Variants in CNTNAP5 observed in about 807,000 individuals in gnomAD.
CNTNAP5 encodes the protein contactin-associated protein-like 5.
Under a neutral mutation model 150.2 loss-of-function variants are expected in CNTNAP5, and 72 were observed. The observed-to-expected ratio is 0.48, with a 90% CI of 0.40 to 0.58. CNTNAP5 has a LOEUF of 0.58. CNTNAP5 is among the 20% of genes least tolerant of loss of function. The pLI, the probability that CNTNAP5 is intolerant of heterozygous loss-of-function variation, is 0.00. For synonymous variants in CNTNAP5, 672 were observed against 619.8 expected (o/e 1.08, Z -1.25); for missense variants, 1,636 against 1,626.2 (o/e 1.01, Z -0.10).
chr2:124,636,043 A>G (rs1176556777), intron 12 of CNTNAP5, among the ~76,000 whole-genome samples: 1 of 152,206 alleles, frequency 6.6e-6, no homozygotes, highest in East Asian at 1.9e-4. Flanking sequence ...CCCTCTTTAG[A>G]GTATGCTGTC....
At chr2:124,083,134 G>A (rs1388479498) in intron 1 of CNTNAP5, among the ~76,000 whole-genome samples, 3 of 152,138 alleles carry the variant, frequency 2.0e-5, no homozygotes, top group Admixed American at 2.0e-4. Context: ...CAGATCATGA[G>A]GCCAAGAGTT....
At chr2:124,389,199 T>G (rs1691044474) in intron 3 of CNTNAP5, among the ~76,000 whole-genome samples, 1 of 152,104 alleles carries the variant, frequency 6.6e-6, no homozygotes, top group African/African-American at 2.4e-5. Flanking sequence ...AAATAGAGAG[T>G]TTAAAAAGCT....
intron 1 of CNTNAP5, among the ~76,000 whole-genome samples, chr2:124,121,149 C>G (rs1306632512): frequency 6.6e-6 from 1 of 151,932 alleles, no homozygotes; most frequent in Non-Finnish European, 1.5e-5. Flanking sequence ...CACACACACA[C>G]ACACACACAC....
At chr2:124,822,099 C>T (rs1034422957) in intron 19 of CNTNAP5, among the ~76,000 whole-genome samples, 1 of 152,140 alleles carries the variant, frequency 6.6e-6, no homozygotes, top group African/African-American at 2.4e-5. Context: ...TTACAACTGA[C>T]TGTCTGCTTG....
At chr2:124,632,297 T>A (rs889012332) in intron 12 of CNTNAP5, among the ~76,000 whole-genome samples, 4 of 152,078 alleles carry the variant, frequency 2.6e-5, no homozygotes, top group Non-Finnish European at 5.9e-5. Flanking sequence ...GACATTGGAA[T>A]CAACCCAAAT....
intron 19 of CNTNAP5, among the ~76,000 whole-genome samples, chr2:124,852,035 A>G (rs949811324): frequency 2.0e-5 from 3 of 152,190 alleles, no homozygotes; most frequent in African/African-American, 7.2e-5. Context: ...AGGAGTTAAG[A>G]GCTCTGAGTA....
At chr2:124,653,911 A>ACCCCCCCC (rs70996088) in intron 13 of CNTNAP5, among the ~76,000 whole-genome samples, 3 of 57,482 alleles carry the variant, frequency 5.2e-5, no homozygotes, top group African/African-American at 6.6e-5. Context: ...ACTGCCCCCA[A>ACCCCCCCC]CCCCCCCCCC....
At chr2:124,300,994 A>G (rs1418995010) in intron 3 of CNTNAP5, among the ~76,000 whole-genome samples, 1 of 152,194 alleles carries the variant, frequency 6.6e-6, no homozygotes, top group Non-Finnish European at 1.5e-5. Flanking sequence ...CCACAGTGAA[A>G]AGTTTTAAAA....
At chr2:124,705,349 G>A (rs978459294) in intron 13 of CNTNAP5, among the ~76,000 whole-genome samples, 2 of 152,122 alleles carry the variant, frequency 1.3e-5, no homozygotes, top group South Asian at 4.1e-4. Context: ...CCAACCTGAT[G>A]AGACCTCGTC....
intron 3 of CNTNAP5, among the ~76,000 whole-genome samples, chr2:124,411,245 C>A (rs1241951143): frequency 1.3e-5 from 2 of 152,142 alleles, no homozygotes; most frequent in Non-Finnish European, 2.9e-5. Flanking sequence ...AATAGTTTAC[C>A]AACCAAAAAG....
At chr2:124,667,024 G>A (rs916583925) in intron 13 of CNTNAP5, among the ~76,000 whole-genome samples, 6 of 31,332 alleles carry the variant, frequency 1.9e-4, no homozygotes, top group Admixed American at 9.4e-4. Flanking sequence ...GAAGAACGAT[G>A]GGGGAAACAT....
At chr2:124,035,501 T>C (rs539115990) in intron 1 of CNTNAP5, among the ~76,000 whole-genome samples, 1 of 152,204 alleles carries the variant, frequency 6.6e-6, no homozygotes, top group Non-Finnish European at 1.5e-5. Context: ...TTATGTTTTA[T>C]GGCATAAGTT....
Position 124,914,644 on chromosome 2 carries a change from T to A in CNTNAP5, c.*356T>A, listed in dbSNP as rs531939482. 7.5e-5 allele frequency: 13 copies of A among 174,044 alleles called. No individual in the cohort carries two copies. The highest frequency in any genetic ancestry group is 9.8e-5 in the Non-Finnish European group (8 of 81,916). 10.8% of individuals were successfully genotyped at this position (174,044 alleles called of 1,614,324 possible). On this transcript the variant is annotated 3_prime_UTR_variant, in exon 24 of 24. Coordinates refer to ENST00000682447, the MANE Select transcript of CNTNAP5 (RefSeq NM_001367498.1). ...TTTCCAACCACTTGGTGGTTCAGGC[T>A]TGCTTTGAACCTGAGCTCTTAGGCA...
intron 3 of CNTNAP5, among the ~76,000 whole-genome samples, chr2:124,362,031 G>A (rs796559275): frequency 1.3e-5 from 2 of 152,344 alleles, no homozygotes; most frequent in African/African-American, 4.8e-5. Context: ...TTTTAAGCCG[G>A]TCCGAAAAGC....
At chr2:124,259,049 AC>A (rs1448351737) in intron 3 of CNTNAP5, among the ~76,000 whole-genome samples, 6 of 100,386 alleles carry the variant, frequency 6.0e-5, no homozygotes, top group Non-Finnish European at 5.7e-5. Context: ...GATGTTCCCC[AC>A]CCTGTGTCCA....
At chr2:124,745,117 A>T (rs1680578448) in intron 13 of CNTNAP5, among the ~76,000 whole-genome samples, 1 of 151,120 alleles carries the variant, frequency 6.6e-6, no homozygotes, top group South Asian at 2.1e-4. Flanking sequence ...TGCTAATGGA[A>T]CTTCTAGGGA....
At position 124,459,805 on chromosome 2, in the gene CNTNAP5, A is replaced by C. The variant is rs540743037; in HGVS notation, c.918+12868A>C. Among the ~76,000 whole-genome samples the C allele has an allele frequency of 9.4e-4, 142 of 151,650 alleles. 1 individual carries two copies. The highest frequency in any genetic ancestry group is 3.4e-3 in the African/African-American group (139 of 41,330). ...AGGAATTGTGTTCTTAGCAATGGGA[A>C]TAATACAGCCCATGTTGTGGTCATC... On this transcript the variant is annotated intron_variant, in intron 6 of 23. Coordinates refer to ENST00000682447, the MANE Select transcript of CNTNAP5 (RefSeq NM_001367498.1).
chr2:124,496,329 T>C (rs1694144259), intron 7 of CNTNAP5, among the ~76,000 whole-genome samples: 1 of 152,136 alleles, frequency 6.6e-6, no homozygotes, highest in Admixed American at 6.6e-5. Context: ...ACAAATCAAA[T>C]TAGAAATGGT....
rs1041062751 is a variant in CNTNAP5, at chr2:124,122,548, G to A, written c.82+96816G>A. ...CCTTTTATGAGGTTCACTAAAATGAGTTTCATTCAACTTTGGAATTAGCAC... is the reference window on the plus strand; with the variant it reads ...CCTTTTATGAGGTTCACTAAAATGAATTTCATTCAACTTTGGAATTAGCAC... On this transcript the variant is annotated intron_variant, in intron 1 of 23. Transcript: ENST00000682447. Among the ~76,000 whole-genome samples the A allele has an allele frequency of 1.3e-5, 2 of 152,042 alleles. 1 individual carries two copies. The highest frequency in any genetic ancestry group is 1.3e-4 in the Admixed American group (2 of 15,266).
Sources: allele counts gnomAD v4.1 joint callset (sites outside exome capture counted in the v4.1 genomes callset), GRCh38; gene constraint gnomAD v4.1.1; transcripts MANE v1.5; gene names NCBI Gene and HGNC (gene_info 2026-07-23, HGNC 2026-07-21).